The following ARMC9 variants were observed in gnomAD, a reference collection of about 807,000 sequenced individuals.
ARMC9 encodes armadillo repeat containing 9, also known as lisH domain-containing protein ARMC9.
A neutral mutation model predicts 107.0 loss-of-function variants in ARMC9; 94 were observed. The observed-to-expected ratio is 0.88, with a 90% CI of 0.74 to 1.04. The LOEUF is 1.04. ARMC9 is among the 50% of genes least tolerant of loss of function. The pLI, the probability that ARMC9 is intolerant of heterozygous loss-of-function variation, is 0.00. For synonymous variants in ARMC9, 380 were observed against 396.9 expected, an observed-to-expected ratio of 0.96 and a Z score of 0.51; for missense variants, 942 against 1,030.1, an observed-to-expected ratio of 0.91 and a Z score of 1.17.
intron 24 of ARMC9, among the ~76,000 whole-genome samples, chr2:231,371,251 C>T (rs544333129): frequency 6.6e-6 from 1 of 152,344 alleles, no homozygotes; most frequent in Admixed American, 6.5e-5. Flanking sequence ...CTCAGCCAGC[C>T]ATGGGCGTTG....
chr2:231,349,433 T>C (rs1433498080), intron 21 of ARMC9, among the ~76,000 whole-genome samples: 1 of 151,850 alleles, frequency 6.6e-6, no homozygotes, highest in South Asian at 2.1e-4. Flanking sequence ...GGAAGGGTGG[T>C]TGGTTGGGGG....
At position 231,325,763 on chromosome 2, in the gene ARMC9, C is replaced by T. The variant is rs2043279135; in HGVS notation, c.1774-6030C>T. On this transcript the variant is annotated intron_variant, in intron 19 of 24. Transcript: ENST00000611582. The stretch of plus-strand genomic sequence containing the variant: ...AACAACCTCAATCTTCCGTAACCGT[C>T]CCAGAGTTGACTTGGGGTAGGGCCT... Among the ~76,000 whole-genome samples the T allele has an allele frequency of 2.0e-5, 3 of 152,220 alleles. 1 individual carries two copies. In the South Asian group the frequency reaches 6.2e-4, roughly 32 times the overall value.
intron 19 of ARMC9, among the ~76,000 whole-genome samples, chr2:231,328,901 G>A (rs1362608515): frequency 2.7e-5 from 4 of 148,436 alleles, no homozygotes; most frequent in Admixed American, 6.8e-5. Flanking sequence ...TGCAAGCTCC[G>A]CCTCCCGGGT....
At position 231,276,901 on chromosome 2, in the gene ARMC9, G is replaced by A. The variant is rs547845906; in HGVS notation, c.1474+126G>A. On this transcript the variant is annotated intron_variant, in intron 15 of 24. Transcript: ENST00000611582. ...TAGAAAACTAAAAACAGAAAAAGGA[G>A]TAGAAAGCATTTCCAACTAGGTATC... 2.3e-5 allele frequency: 31 copies of A among 1,328,570 alleles called. 1 individual carries two copies. The South Asian group carries it at 4.6e-4, about 20-fold the overall frequency. The allele number at this position is 1,328,570 out of a possible 1,614,324, so 82.3% of individuals were successfully genotyped here. A position where few individuals can be genotyped will look rare whatever the true frequency, so the allele number is the denominator to read the frequency against.
intron 20 of ARMC9, among the ~76,000 whole-genome samples, chr2:231,335,670 G>A (rs1443173773): frequency 1.3e-5 from 2 of 152,212 alleles, no homozygotes; most frequent in African/African-American, 4.8e-5. Context: ...CATGTGCTGT[G>A]TTCTGCTATA....
intron 8 of ARMC9, among the ~76,000 whole-genome samples, chr2:231,237,568 T>C (rs980671141): frequency 1.3e-5 from 2 of 151,710 alleles, no homozygotes; most frequent in African/African-American, 2.4e-5. Context: ...ATATCAACAA[T>C]GTCTACTCCC....
At position 231,243,549 on chromosome 2, in the gene ARMC9, T is replaced by C. The variant is rs1181689192; in HGVS notation, c.879+3508T>C. Among the ~76,000 whole-genome samples the C allele has an allele frequency of 2.6e-5, 4 of 152,208 alleles. No homozygotes were observed. The East Asian group carries it at 7.7e-4, about 29-fold the overall frequency. On this transcript the variant is annotated intron_variant, in intron 9 of 24. Transcript: ENST00000611582. ...AGTCCTACCACCCCGACTGTTATGTTAGCAGCAAAATACAGACTTTGTCTA... is the reference window on the plus strand; with the variant it reads ...AGTCCTACCACCCCGACTGTTATGTCAGCAGCAAAATACAGACTTTGTCTA...
rs539548397 is a variant in ARMC9, at chr2:231,218,012, G to A, written c.504+1219G>A. ...CTTGTTTGTTTGTTTTTTGGAGACAGAGTCTCATTCTGTCACCCAGGTCAC... is the reference window on the plus strand; with the variant it reads ...CTTGTTTGTTTGTTTTTTGGAGACAAAGTCTCATTCTGTCACCCAGGTCAC... On this transcript the variant is annotated intron_variant, in intron 5 of 24. Coordinates refer to ENST00000611582, the MANE Select transcript of ARMC9 (RefSeq NM_001352754.2). Among the ~76,000 whole-genome samples, 30 of 152,234 alleles carry A rather than the reference G, an allele frequency of 2.0e-4. No individual in the cohort carries two copies. The South Asian group carries it at 2.1e-3, about 11-fold the overall frequency.
chr2:231,271,048 A>T lies in ARMC9; in HGVS notation c.1186A>T (p.Asn396Tyr). 1 of 1,614,156 alleles carries T rather than the reference A, an allele frequency of 6.2e-7. No homozygotes were observed. ...GCGGCAGTACATGGCCAGGCTCATC[A>T]ATGCTTTTGCGTCACTGGCAGAAGG... ...VVRQYMARLI[N>Y]AFASLAEGRL... The change falls in exon 13 of 25, where the codon AAT becomes TAT. Residue 396 changes from asparagine to tyrosine, a missense_variant. Physicochemically the swap from Asn to Tyr is moderately radical, Grantham distance 143. Transcript: ENST00000611582.
intron 12 of ARMC9, 133 bp downstream of exon 12, chr2:231,262,531 G>A: frequency 2.3e-6 from 2 of 863,694 alleles, no homozygotes; most frequent in East Asian, 5.3e-5. Flanking sequence ...GAGCTCATGA[G>A]GTTCTGGGCA....
chr2:231,300,589 A>G (rs1223710116), intron 19 of ARMC9, among the ~76,000 whole-genome samples: 1 of 152,052 alleles, frequency 6.6e-6, no homozygotes, highest in Non-Finnish European at 1.5e-5. Flanking sequence ...ATTTTTATTC[A>G]CATTTCACAG....
At chr2:231,316,298 C>T (rs1490680019) in intron 19 of ARMC9, among the ~76,000 whole-genome samples, 1 of 151,094 alleles carries the variant, frequency 6.6e-6, no homozygotes, top group Non-Finnish European at 1.5e-5. Context: ...TTTAGTTCAC[C>T]TTCTTTTTAA....
chr2:231,320,157 C>G (rs969175965), intron 19 of ARMC9, among the ~76,000 whole-genome samples: 6 of 152,182 alleles, frequency 3.9e-5, no homozygotes, highest in Non-Finnish European at 7.3e-5. Context: ...GAATAAGCCC[C>G]TGTGTGTTTC....
intron 20 of ARMC9, among the ~76,000 whole-genome samples, chr2:231,339,628 C>T (rs1408165026): frequency 6.6e-6 from 1 of 152,118 alleles, no homozygotes; most frequent in Non-Finnish European, 1.5e-5. Flanking sequence ...TTGAGAAAAC[C>T]ATCCTCAAGT....
chr2:231,217,875 T>A (rs2033692424), intron 5 of ARMC9, among the ~76,000 whole-genome samples: 1 of 152,110 alleles, frequency 6.6e-6, no homozygotes, highest in Non-Finnish European at 1.5e-5. Context: ...GTATTTTTAG[T>A]AGAGATGGGG....
chr2:231,337,767 A>G (rs73994572), intron 20 of ARMC9, among the ~76,000 whole-genome samples: 2,387 of 152,278 alleles, frequency 0.016, 50 homozygotes, highest in African/African-American at 0.04. Flanking sequence ...CCAAGTAAGC[A>G]GGGAAAAATC....
chr2:231,270,940 C>T (rs780368439), intron 12 of ARMC9, 42 bp from the exon 13 acceptor site: 66 of 1,567,232 alleles, frequency 4.2e-5, no homozygotes, highest in Admixed American at 1.0e-4. Flanking sequence ...TTTATCTCTC[C>T]GTGTTCTTAA....
chr2:231,219,061 A>T (rs941288633), intron 5 of ARMC9, among the ~76,000 whole-genome samples: 9 of 152,080 alleles, frequency 5.9e-5, no homozygotes, highest in African/African-American at 2.2e-4. Flanking sequence ...CATAAAGTCT[A>T]AATTTAATCT....
chr2:231,226,760 C>A lies in ARMC9; in HGVS notation c.598-14C>A. ...CCTGAATGCCTGTTTTCCTGAACTTCTTTTTCATCCCAGAAGGAGAATGGA... is the reference window on the plus strand; with the variant it reads ...CCTGAATGCCTGTTTTCCTGAACTTATTTTTCATCCCAGAAGGAGAATGGA... On this transcript the variant is annotated splice_polypyrimidine_tract_variant and intron_variant, in intron 6 of 24. Transcript: ENST00000611582. 6.2e-7 allele frequency: 1 copy of A among 1,613,250 alleles called. No homozygotes were observed. The highest frequency in any genetic ancestry group is 8.5e-7 in the Non-Finnish European group (1 of 1,179,330).
Sources: gnomAD v4.1 joint callset for allele counts (sites outside exome capture counted in the v4.1 genomes callset) on GRCh38, gnomAD v4.1.1 for gene constraint, MANE v1.5 for transcripts, NCBI Gene and HGNC (gene_info 2026-07-23, HGNC 2026-07-21) for gene names.